Variants in DCAF8 observed in about 807,000 individuals in gnomAD.
The protein encoded by DCAF8 is DDB1- and CUL4-associated factor 8.
DCAF8 carries 20 observed loss-of-function variants against 68.0 expected under a neutral mutation model. That is an observed-to-expected ratio of 0.29 (90% CI 0.21 to 0.43). The LOEUF (loss-of-function observed/expected upper bound fraction) is 0.43, where lower values mean the gene tolerates loss of function less well. Ranked by LOEUF, DCAF8 falls within the 20% of genes least tolerant of loss-of-function variation. The pLI, the probability that DCAF8 is intolerant of heterozygous loss-of-function variation, is 1.00. For synonymous variants in DCAF8, 230 were observed against 276.9 expected, an observed-to-expected ratio of 0.83 and a Z score of 1.68; for missense variants, 460 against 771.0, an observed-to-expected ratio of 0.60 and a Z score of 4.78.
chr1:160,262,277 G>C, intron 1 of DCAF8, 172 bp downstream of exon 1: 1 of 399,350 alleles, frequency 2.5e-6, no homozygotes, highest in Non-Finnish European at 4.4e-6. Flanking sequence ...GACACAGACC[G>C]GGTAGGTCAA....
intron 2 of DCAF8, among the ~76,000 whole-genome samples, chr1:160,256,541 T>C (rs1026379489): frequency 1.3e-5 from 2 of 151,516 alleles, no homozygotes; most frequent in South Asian, 2.1e-4. Context: ...GTAAACCCTA[T>C]AGTAGCTTTC....
chr1:160,244,629 T>A (rs180954749), intron 2 of DCAF8, among the ~76,000 whole-genome samples: 4 of 152,028 alleles, frequency 2.6e-5, no homozygotes, highest in Admixed American at 2.6e-4. Flanking sequence ...TTTCTTTTTT[T>A]TTTTTTGAGA....
intron 2 of DCAF8, among the ~76,000 whole-genome samples, chr1:160,248,628 GGGA>G (rs1164142383): frequency 6.6e-6 from 1 of 151,520 alleles, no homozygotes; most frequent in Non-Finnish European, 1.5e-5. Flanking sequence ...CCAGCTACTA[GGGA>G]GGAGGAGGTT....
intron 12 of DCAF8, 36 bp from the exon 13 acceptor site, chr1:160,218,476 A>G (rs1281737998): frequency 6.7e-7 from 1 of 1,499,400 alleles, no homozygotes; most frequent in African/African-American, 1.4e-5. Context: ...GGGGGCAGCA[A>G]TGAAGAGGAA....
chr1:160,239,716 T>C lies in DCAF8; in HGVS notation c.704A>G (p.His235Arg). The change falls in exon 4 of 14, where the codon CAC becomes CGC. Residue 235 changes from histidine to arginine, a missense_variant. By Grantham distance (29) the His-to-Arg change is conservative. Transcript: ENST00000368074. Reference sequence around the variant, plus strand: ...CCTCACCTGGAACACATTACTTTTGTGGCCACTCTCAAAGTCCAGTACTGG... The same window carrying C: ...CCTCACCTGGAACACATTACTTTTGCGGCCACTCTCAAAGTCCAGTACTGG... Reference protein sequence around the residue: ...RQPVLDFESGHKSNVFQAKFL... With the variant: ...RQPVLDFESGRKSNVFQAKFL... The C allele has an allele frequency of 6.2e-7, 1 of 1,614,250 alleles. No individual in the cohort carries two copies. Among genetic ancestry groups the C allele is most frequent in the Non-Finnish European group, 8.5e-7 (1 of 1,180,048 alleles).
At chr1:160,236,314 G>A (rs573287530) in intron 6 of DCAF8, among the ~76,000 whole-genome samples, 284 of 150,110 alleles carry the variant, frequency 1.9e-3, no homozygotes, top group Middle Eastern at 6.9e-3. Context: ...ACATATATAC[G>A]TGTGTGTATA....
intron 11 of DCAF8, 81 bp from the exon 12 acceptor site, chr1:160,219,049 T>C (rs1655214185): frequency 1.1e-5 from 18 of 1,571,748 alleles, no homozygotes; most frequent in Non-Finnish European, 1.6e-5. Flanking sequence ...TTGAGCCAAA[T>C]AACTGCCCTT....
At chr1:160,242,300 G>C (rs979844212) in intron 3 of DCAF8, among the ~76,000 whole-genome samples, 1 of 151,410 alleles carries the variant, frequency 6.6e-6, no homozygotes, top group Admixed American at 6.6e-5. Flanking sequence ...CTGGGCTAGG[G>C]GCTGGAAGAA....
At chr1:160,242,029 GGTCAGGA>G (rs1656135333) in intron 3 of DCAF8, among the ~76,000 whole-genome samples, 4 of 152,116 alleles carry the variant, frequency 2.6e-5, no homozygotes, top group Admixed American at 2.6e-4. Flanking sequence ...GATCACCTAA[GGTCAGGA>G]GTTCAAGACC....
intron 11 of DCAF8, 97 bp downstream of exon 11, chr1:160,222,554 A>G (rs1459078714): frequency 6.6e-7 from 1 of 1,509,170 alleles, no homozygotes; most frequent in Admixed American, 1.8e-5. Flanking sequence ...AAAACATGGT[A>G]TCATGTAGTC....
intron 2 of DCAF8, among the ~76,000 whole-genome samples, chr1:160,245,895 T>C (rs1270208373): frequency 6.6e-6 from 1 of 152,134 alleles, no homozygotes; most frequent in Non-Finnish European, 1.5e-5. Context: ...TCCCAGCACT[T>C]TGGGAGGCCG....
chr1:160,254,664 C>T (rs1410108865), intron 2 of DCAF8, among the ~76,000 whole-genome samples: 1 of 152,026 alleles, frequency 6.6e-6, no homozygotes, highest in Non-Finnish European at 1.5e-5. Context: ...TGGTGGCATG[C>T]GCCTGTAGTC....
Position 160,224,515 on chromosome 1 carries a change from G to A in DCAF8, c.1236C>T (p.Tyr412=). ...CATCACTGTGAGAGGAGTTGAAGAG[G>A]TAAATGTCTTCATCATTGTAACTGG... ...LLASYNDEDI[Y]LFNSSHSDGA... The change falls in exon 10 of 14, where the codon TAC becomes TAT. Residue 412 remains tyrosine (Y), a synonymous_variant. Coordinates refer to ENST00000368074, the MANE Select transcript of DCAF8 (RefSeq NM_015726.4). 6.2e-7 allele frequency: 1 copy of A among 1,614,022 alleles called. No homozygotes were observed. The highest frequency in any genetic ancestry group is 8.5e-7 in the Non-Finnish European group (1 of 1,179,886).
At chr1:160,242,109 G>C (rs1656138447) in intron 3 of DCAF8, among the ~76,000 whole-genome samples, 2 of 152,270 alleles carry the variant, frequency 1.3e-5, no homozygotes, top group African/African-American at 4.8e-5. Context: ...GCCGGGCGTG[G>C]TGGCATGTGC....
intron 11 of DCAF8, among the ~76,000 whole-genome samples, chr1:160,221,636 T>A (rs1229316618): frequency 6.6e-6 from 1 of 152,008 alleles, no homozygotes; most frequent in African/African-American, 2.4e-5. Context: ...TCCCCACAGC[T>A]AAGAAGGAAT....
intron 6 of DCAF8, among the ~76,000 whole-genome samples, chr1:160,232,068 A>G (rs1655708339): frequency 1.3e-5 from 2 of 151,984 alleles, no homozygotes; most frequent in Non-Finnish European, 2.9e-5. Flanking sequence ...GCGCATGCCT[A>G]TCATCCCAGC....
chr1:160,256,577 G>GA (rs60860476), intron 2 of DCAF8, among the ~76,000 whole-genome samples: 5,019 of 146,192 alleles, frequency 0.034, 252 homozygotes, highest in African/African-American at 0.12. Context: ...AAGCCAGGAA[G>GA]AAAAAAAAAA....
rs368729932 is a variant in DCAF8 at position 160,216,098 on chromosome 1, A to G, written c.*1494T>C. ...TTCAGACTCAGTGACCAGTGATAAG[A>G]CAAGTGCCCAAGCTCCAGCCACTGT... On this transcript the variant is annotated 3_prime_UTR_variant, in exon 14 of 14. Coordinates refer to ENST00000368074, the MANE Select transcript of DCAF8 (RefSeq NM_015726.4). 1 of 152,206 alleles carries G rather than the reference A, an allele frequency of 6.6e-6. No individual in the cohort carries two copies. 9.4% of individuals were successfully genotyped at this position (152,206 alleles called of 1,614,324 possible). A position where few individuals can be genotyped will look rare whatever the true frequency, so the allele number is the denominator to read the frequency against.
chr1:160,239,609 C>T, intron 4 of DCAF8, 88 bp downstream of exon 4: 1 of 1,613,074 alleles, frequency 6.2e-7, no homozygotes, highest in Non-Finnish European at 8.5e-7. Context: ...TACAATAACT[C>T]ACTATCAGCT....
Sources: gnomAD v4.1 joint callset for allele counts (sites outside exome capture counted in the v4.1 genomes callset) on GRCh38, gnomAD v4.1.1 for gene constraint, MANE v1.5 for transcripts, NCBI Gene and HGNC (gene_info 2026-07-23, HGNC 2026-07-21) for gene names.